Variants in PCDHGA6 observed in about 807,000 individuals in gnomAD.
PCDHGA6 encodes the protein protocadherin gamma subfamily A, 6.
Under a neutral mutation model 60.6 loss-of-function variants are expected in PCDHGA6, and 41 were observed. That is an observed-to-expected ratio of 0.68 (90% CI 0.53 to 0.88). The LOEUF (loss-of-function observed/expected upper bound fraction) is 0.88, where lower values mean the gene tolerates loss of function less well. PCDHGA6 is among the 40% of genes least tolerant of loss of function. The pLI, the probability that PCDHGA6 is intolerant of heterozygous loss-of-function variation, is 0.00. For synonymous variants in PCDHGA6, 594 were observed against 524.4 expected, an observed-to-expected ratio of 1.13 and a Z score of -1.81; for missense variants, 1,312 against 1,203.0, an observed-to-expected ratio of 1.09 and a Z score of -1.34.
chr5:141,500,350 A>G (rs2099799466), intron 2 of PCDHGA6, among the ~76,000 whole-genome samples: 1 of 151,976 alleles, frequency 6.6e-6, no homozygotes, highest in African/African-American at 2.4e-5. Flanking sequence ...CTGGGACTAC[A>G]GGCGCCCACT....
At chr5:141,446,873 A>T (rs1324695415) in intron 1 of PCDHGA6, among the ~76,000 whole-genome samples, 1 of 152,132 alleles carries the variant, frequency 6.6e-6, no homozygotes, top group African/African-American at 2.4e-5. Flanking sequence ...CTACACTGGT[A>T]TGTTTTGGGG....
Position 141,432,108 on chromosome 5 carries a change from C to G in PCDHGA6, c.2424+55601C>G. ...GTGGCAGACACCAACGACAACCCGC[C>G]GGTCTTCCCTCAGGCCTCCTATTCC... On this transcript the variant is annotated intron_variant, in intron 1 of 3. Coordinates refer to ENST00000517434, the MANE Select transcript of PCDHGA6 (RefSeq NM_018919.3). The surrounding 1 kb of genome is among the most constrained non-coding windows in gnomAD (Gnocchi z 6.0). 4 of 1,614,180 alleles carry G rather than the reference C, an allele frequency of 2.5e-6. No homozygotes were observed. The highest frequency in any genetic ancestry group is 3.4e-6 in the Non-Finnish European group (4 of 1,180,046).
At chr5:141,408,677 G>A (rs2095149334) in intron 1 of PCDHGA6, 1 of 1,613,898 alleles carries the variant, frequency 6.2e-7, no homozygotes. Flanking sequence ...CCCTGCCACG[G>A]ATCCTGATAT....
intron 1 of PCDHGA6, among the ~76,000 whole-genome samples, chr5:141,455,749 C>A (rs2098830563): frequency 6.6e-6 from 1 of 152,086 alleles, no homozygotes; most frequent in Non-Finnish European, 1.5e-5. Context: ...AGGTTGCTGG[C>A]CTGGCTCCTA....
intron 1 of PCDHGA6, among the ~76,000 whole-genome samples, chr5:141,463,684 G>C (rs2099066814): frequency 6.6e-6 from 1 of 151,910 alleles, no homozygotes; most frequent in African/African-American, 2.4e-5. Flanking sequence ...ATGACCTCGT[G>C]ATCTGCTCAC....
intron 1 of PCDHGA6, chr5:141,417,622 G>T (rs1036510827): frequency 1.5e-6 from 1 of 668,534 alleles, no homozygotes; most frequent in Non-Finnish European, 2.4e-6. Flanking sequence ...TGCAGAGCAA[G>T]CGCTGACGCC....
At position 141,405,406 on chromosome 5, in the gene PCDHGA6, T is replaced by C. The variant is rs750140674; in HGVS notation, c.2424+28899T>C. On this transcript the variant is annotated intron_variant, in intron 1 of 3. Coordinates refer to ENST00000517434, the MANE Select transcript of PCDHGA6 (RefSeq NM_018919.3). ...GTTCATTTTTTTTCTTTCTTTCTTTTCTTTTTTTGTTTTTTGTTTTGTTTT... is the reference window on the plus strand; with the variant it reads ...GTTCATTTTTTTTCTTTCTTTCTTTCCTTTTTTTGTTTTTTGTTTTGTTTT... 1.2e-5 allele frequency: 19 copies of C among 1,584,070 alleles called. No individual in the cohort carries two copies. The Admixed American group carries it at 1.2e-4, about 10-fold the overall frequency.
intron 1 of PCDHGA6, among the ~76,000 whole-genome samples, chr5:141,454,924 C>T (rs1252057038): frequency 6.7e-6 from 1 of 149,858 alleles, no homozygotes; most frequent in Non-Finnish European, 1.5e-5. Context: ...TCTCCTGCCT[C>T]AGCCTCCCGA....
intron 1 of PCDHGA6, chr5:141,428,087 G>A (rs2097108117): frequency 6.2e-7 from 1 of 1,609,106 alleles, no homozygotes; most frequent in Non-Finnish European, 8.5e-7. Context: ...ACAACGCTTG[G>A]CTGTCCTACC....
At position 141,432,395 on chromosome 5, in the gene PCDHGA6, G is replaced by T. The variant is rs748660079; in HGVS notation, c.2424+55888G>T. On this transcript the variant is annotated intron_variant, in intron 1 of 3. Coordinates refer to ENST00000517434, the MANE Select transcript of PCDHGA6 (RefSeq NM_018919.3). This position sits in a 1 kb window ranked among gnomAD's most constrained non-coding sequence, Gnocchi z 6.0. ...CGGGCACCCGCCCCTCAGCAGCAAC[G>T]TGTCGTTGAGCCTGTTCGTGCTGGA... 5 of 1,614,242 alleles carry T rather than the reference G, an allele frequency of 3.1e-6. No individual in the cohort carries two copies. In the East Asian group the frequency reaches 8.9e-5, roughly 29 times the overall value.
chr5:141,382,683 G>C, intron 1 of PCDHGA6: 1 of 444,266 alleles, frequency 2.3e-6, no homozygotes, highest in Non-Finnish European at 4.0e-6. Flanking sequence ...ACCAACCAGG[G>C]AAAAATGGTG....
At chr5:141,475,764 C>T (rs2154573514) in intron 1 of PCDHGA6, among the ~76,000 whole-genome samples, 1 of 152,380 alleles carries the variant, frequency 6.6e-6, no homozygotes, top group South Asian at 2.1e-4. Flanking sequence ...CCGATACTGG[C>T]AAGGCGCTTT....
In PCDHGA6 at chr5:141,431,371, A is replaced by G. The variant is rs2097366432; in HGVS notation, c.2424+54864A>G. The G allele has an allele frequency of 6.2e-7, 1 of 1,613,998 alleles. No individual in the cohort carries two copies. The highest frequency in any genetic ancestry group is 8.5e-7 in the Non-Finnish European group (1 of 1,180,038). ...TGAAACGCGCCCTGGACCGCGAAGA[A>G]AAGGCTGCTCACCACCTGGTCCTTA... On this transcript the variant is annotated intron_variant, in intron 1 of 3. Transcript: ENST00000517434. The surrounding 1 kb of genome is among the most constrained non-coding windows in gnomAD (Gnocchi z 4.8).
intron 1 of PCDHGA6, chr5:141,471,300 C>T (rs2099254628): frequency 6.6e-6 from 1 of 152,190 alleles, no homozygotes; most frequent in African/African-American, 2.4e-5. Context: ...ATCCACCCAA[C>T]TCGGCCTCCC....
At chr5:141,478,068 A>T (rs560968418) in intron 1 of PCDHGA6, 1 of 1,614,134 alleles carries the variant, frequency 6.2e-7, no homozygotes, top group East Asian at 2.2e-5. Flanking sequence ...ATCAAAGACA[A>T]TGGGGAGCCT....
Position 141,485,263 on chromosome 5 carries a change from G to A in PCDHGA6, c.2425-9544G>A. 1 of 1,614,162 alleles carries A rather than the reference G, an allele frequency of 6.2e-7. No individual in the cohort carries two copies. On this transcript the variant is annotated intron_variant, in intron 1 of 3. Transcript: ENST00000517434. This position sits in a 1 kb window ranked among gnomAD's most constrained non-coding sequence, Gnocchi z 5.7. ...ACCACCTGGGTTACGTTTGTGGGCA[G>A]ATCCGCTACCCGGTCCCAGAGGAGT...
chr5:141,413,129 A>T (rs761379605), intron 1 of PCDHGA6: 41 of 1,536,352 alleles, frequency 2.7e-5, no homozygotes, highest in Non-Finnish European at 3.6e-5. Context: ...GTTGAAACAC[A>T]CAACGTGTCC....
rs114492681 is a variant in PCDHGA6, at chr5:141,408,401, C to A, written c.2424+31894C>A. 1.5e-3 allele frequency: 2,364 copies of A among 1,614,010 alleles called. 32 individuals are homozygous for A. The African/African-American group carries it at 0.028, about 19-fold the overall frequency. On this transcript the variant is annotated intron_variant, in intron 1 of 3. Coordinates refer to ENST00000517434, the MANE Select transcript of PCDHGA6 (RefSeq NM_018919.3). ...CCTGGATGTGTCGGCTCGCAAGCTG[C>A]GAGTGAGCGCGGAGAAGCTGCACTT...
At chr5:141,423,025 G>A in intron 1 of PCDHGA6, 1 of 1,614,222 alleles carries the variant, frequency 6.2e-7, no homozygotes, top group Non-Finnish European at 8.5e-7. Context: ...CAAAGATTCA[G>A]GCCAGAACGC....
Sources: allele counts gnomAD v4.1 joint callset (sites outside exome capture counted in the v4.1 genomes callset), GRCh38; gene constraint gnomAD v4.1.1; non-coding constraint Gnocchi (gnomAD v3.1); transcripts MANE v1.5; gene names NCBI Gene and HGNC (gene_info 2026-07-23, HGNC 2026-07-21).